Variants in AMBP observed in about 807,000 individuals in gnomAD.
AMBP encodes the protein protein AMBP.
Under a neutral mutation model 46.3 loss-of-function variants are expected in AMBP, and 37 were observed. The ratio of observed to expected loss-of-function variants is 0.80; its 90% CI spans 0.61 to 1.05. AMBP has a LOEUF of 1.05. AMBP is among the 50% of genes least tolerant of loss of function. The pLI is 0.00. For synonymous variants in AMBP, 174 were observed against 175.9 expected (o/e 0.99, Z 0.09); for missense variants, 475 against 461.2 (o/e 1.03, Z -0.27).
intron 7 of AMBP, 24 bp downstream of exon 7, chr9:114,062,653 G>C (rs1327397853): frequency 6.2e-7 from 1 of 1,610,854 alleles, no homozygotes; most frequent in South Asian, 1.1e-5. Context: ...TGGCAGAGGG[G>C]GTGAAAAGGC....
chr9:114,068,557 G>A (rs2134850146), intron 6 of AMBP, among the ~76,000 whole-genome samples: 1 of 151,838 alleles, frequency 6.6e-6, no homozygotes, highest in South Asian at 2.1e-4. Flanking sequence ...AGTGAGCCAA[G>A]ATCATGCAGC....
In AMBP at chr9:114,062,665, G is replaced by A. The variant is rs41313299; in HGVS notation, c.685+12C>T. On this transcript the variant is annotated intron_variant, in intron 7 of 9. Transcript: ENST00000265132. The stretch of plus-strand genomic sequence containing the variant: ...GTATGGCAGAGGGGGTGAAAAGGCA[G>A]GTGTTCATTACCTTCTTTCTTGGTG... 1.4e-5 allele frequency: 23 copies of A among 1,612,888 alleles called. No homozygotes were observed. In the South Asian group the frequency reaches 2.4e-4, roughly 17 times the overall value.
intron 8 of AMBP, 120 bp downstream of exon 8, chr9:114,061,304 C>T (rs772108249): frequency 2.8e-5 from 42 of 1,506,248 alleles, no homozygotes; most frequent in African/African-American, 8.3e-5. Flanking sequence ...TTCAGGAAAC[C>T]GCCTGGAGTT....
At chr9:114,060,813 C>T (rs1846627157) in intron 9 of AMBP, 112 bp downstream of exon 9, 2 of 1,251,334 alleles carry the variant, frequency 1.6e-6, no homozygotes, top group East Asian at 2.4e-5. Context: ...GGGCTGCTTA[C>T]CAGGTACAGA....
At chr9:114,068,781 C>A (rs1846716290) in intron 6 of AMBP, among the ~76,000 whole-genome samples, 1 of 134,242 alleles carries the variant, frequency 7.4e-6, no homozygotes, top group Non-Finnish European at 1.5e-5. Context: ...AACTGTGTGA[C>A]TGCTGATAGT....
At position 114,060,283 on chromosome 9, in the gene AMBP, A is replaced by G. The variant is rs1846620244; in HGVS notation, c.1028-13T>C. 1.2e-6 allele frequency: 2 copies of G among 1,612,608 alleles called. No individual in the cohort carries two copies. Among genetic ancestry groups the G allele is most frequent in the East Asian group, 4.5e-5 (2 of 44,838 alleles). On this transcript the variant is annotated splice_polypyrimidine_tract_variant and intron_variant, in intron 9 of 9. Coordinates refer to ENST00000265132, the MANE Select transcript of AMBP (RefSeq NM_001633.4). Reference sequence around the variant, plus strand: ...AGCTCCTCATCACCTGTGGACACAGAGAGACTCAGGGAGGGGTCCGTAGGC... The same window carrying G: ...AGCTCCTCATCACCTGTGGACACAGGGAGACTCAGGGAGGGGTCCGTAGGC...
intron 3 of AMBP, among the ~76,000 whole-genome samples, chr9:114,074,630 C>T (rs1846785129): frequency 6.6e-6 from 1 of 151,604 alleles, no homozygotes; most frequent in Non-Finnish European, 1.5e-5. Flanking sequence ...ATCCCTCTCT[C>T]ACTTAGCATC....
At chr9:114,064,961 A>C (rs1037668919) in intron 6 of AMBP, among the ~76,000 whole-genome samples, 3 of 152,194 alleles carry the variant, frequency 2.0e-5, no homozygotes, top group African/African-American at 7.2e-5. Context: ...TTGGAGAGAA[A>C]GGAGTAAAAA....
At chr9:114,061,257 C>A in intron 8 of AMBP, 159 bp from the exon 9 acceptor site, 1 of 1,394,866 alleles carries the variant, frequency 7.2e-7, no homozygotes. Context: ...ATGATTTGCC[C>A]GAGGTCCTCC....
At chr9:114,060,339 C>G in intron 9 of AMBP, 69 bp from the exon 10 acceptor site, 1 of 1,533,818 alleles carries the variant, frequency 6.5e-7, no homozygotes, top group Non-Finnish European at 9.0e-7. Flanking sequence ...AAGCAGCTGT[C>G]GCCTGGGGCC....
Position 114,060,975 on chromosome 9 carries a change from T to A in AMBP, c.977A>T (p.Lys326Met). ...TCTGCACTCCTTCTCTGAGTAGAAC[T>A]TGTTCCCGTTGCCCTGGCAGCCCCC... ...PYGGCQGNGNKFYSEKECREY... is the reference protein window; with the variant it reads ...PYGGCQGNGNMFYSEKECREY... The change falls in exon 9 of 10, where the codon AAG becomes ATG. Residue 326 changes from lysine (K) to methionine (M), a missense_variant. This residue lies in a region of AMBP where 293 missense variants were observed against 276.9 expected (regional missense o/e 1.06). Transcript: ENST00000265132. 1 of 1,614,256 alleles carries A rather than the reference T, an allele frequency of 6.2e-7. No homozygotes were observed. The highest frequency in any genetic ancestry group is 1.3e-5 in the African/African-American group (1 of 75,072).
intron 1 of AMBP, chr9:114,077,489 C>T: frequency 6.5e-6 from 1 of 153,488 alleles, no homozygotes; most frequent in East Asian, 1.9e-4. Context: ...GCAGCTCTGG[C>T]ACTCCACACT....
intron 3 of AMBP, 137 bp downstream of exon 3, chr9:114,074,823 G>T: frequency 1.4e-6 from 1 of 712,588 alleles, no homozygotes; most frequent in Non-Finnish European, 2.5e-6. Flanking sequence ...GGAGGAAGAG[G>T]AGGAGTTGTT....
At chr9:114,067,404 T>C (rs1846705255) in intron 6 of AMBP, among the ~76,000 whole-genome samples, 1 of 151,284 alleles carries the variant, frequency 6.6e-6, no homozygotes, top group Non-Finnish European at 1.5e-5. Flanking sequence ...AGCTGGCTAA[T>C]TTAAAACAAA....
At chr9:114,075,117 T>C in intron 2 of AMBP, 81 bp from the exon 3 acceptor site, 1 of 1,135,518 alleles carries the variant, frequency 8.8e-7, no homozygotes, top group Non-Finnish European at 1.3e-6. Context: ...CAGGGCTCTT[T>C]CCAAATGCCT....
At chr9:114,073,983 C>T in intron 4 of AMBP, 53 bp downstream of exon 4, 1 of 1,551,906 alleles carries the variant, frequency 6.4e-7, no homozygotes, top group South Asian at 1.1e-5. Context: ...GTCCATAAAT[C>T]AATGTCCTCC....
chr9:114,074,199 C>T, intron 3 of AMBP, 47 bp from the exon 4 acceptor site: 1 of 1,498,116 alleles, frequency 6.7e-7, no homozygotes, highest in Non-Finnish European at 9.3e-7. Flanking sequence ...GGTCAGTAGA[C>T]TCTTCTAGCT....
chr9:114,074,834 TG>T, intron 3 of AMBP, 125 bp downstream of exon 3: 1 of 770,870 alleles, frequency 1.3e-6, no homozygotes, highest in South Asian at 1.7e-5. Context: ...AGGAGTTGTT[TG>T]GGGGAAGGCT....
chr9:114,065,386 G>A (rs1434774087), intron 6 of AMBP, among the ~76,000 whole-genome samples: 1 of 152,154 alleles, frequency 6.6e-6, no homozygotes, highest in African/African-American at 2.4e-5. Flanking sequence ...ACAAGCCAAG[G>A]AACACCAGAG....
Sources: gnomAD v4.1 joint callset for allele counts (sites outside exome capture counted in the v4.1 genomes callset) on GRCh38, gnomAD v4.1.1 for gene constraint, gnomAD v4.1.1 regional missense constraint, MANE v1.5 for transcripts, NCBI Gene and HGNC (gene_info 2026-07-23, HGNC 2026-07-21) for gene names.